The following SDK1 variants were observed in gnomAD, a reference collection of about 807,000 sequenced individuals.
SDK1 encodes sidekick cell adhesion molecule 1.
SDK1 carries 157 observed loss-of-function variants against 245.5 expected under a neutral mutation model. That is an observed-to-expected ratio of 0.64 (90% CI 0.56 to 0.73). The LOEUF (loss-of-function observed/expected upper bound fraction) is 0.73. Among genes scored for constraint, SDK1 ranks in the 30% least tolerant of loss-of-function variants. SDK1 has a pLI of 0.00. For missense variants in SDK1, 3,583 were observed against 3,002.3 expected (o/e 1.19, Z -4.52); for synonymous variants, 1,647 against 1,278.5 (o/e 1.29, Z -6.15).
chr7:4,239,773 T>G (rs1186388502), intron 42 of SDK1, among the ~76,000 whole-genome samples: 1 of 152,228 alleles, frequency 6.6e-6, no homozygotes, highest in Non-Finnish European at 1.5e-5. Flanking sequence ...GACCTCTTCC[T>G]GAGCTCAGCT....
At chr7:4,060,801 C>G (rs941519232) in intron 19 of SDK1, among the ~76,000 whole-genome samples, 5 of 152,124 alleles carry the variant, frequency 3.3e-5, no homozygotes, top group Non-Finnish European at 5.9e-5. Context: ...TTTAATCCAT[C>G]TTGAATTGAT....
At chr7:3,706,620 T>G (rs1163328475) in intron 4 of SDK1, among the ~76,000 whole-genome samples, 1 of 152,196 alleles carries the variant, frequency 6.6e-6, no homozygotes, top group Non-Finnish European at 1.5e-5. Context: ...GCCAGGATGG[T>G]TGCGATCTCC....
chr7:3,759,020 T>G lies in SDK1; in HGVS notation c.714-62430T>G, dbSNP rs532894910. Among the ~76,000 whole-genome samples, 3 of 152,350 alleles carry G rather than the reference T, an allele frequency of 2.0e-5. 1 individual carries two copies. The highest frequency in any genetic ancestry group is 7.2e-5 in the African/African-American group (3 of 41,578). ...TTTCTCTGACAGGGAGAAACCTGACTCGCATTATCCACAGTTTATTTAGGT... is the reference window on the plus strand; with the variant it reads ...TTTCTCTGACAGGGAGAAACCTGACGCGCATTATCCACAGTTTATTTAGGT... On this transcript the variant is annotated intron_variant, in intron 4 of 44. Transcript: ENST00000404826.
chr7:3,886,852 GT>G (rs1415089746), intron 5 of SDK1, among the ~76,000 whole-genome samples: 58 of 152,146 alleles, frequency 3.8e-4, no homozygotes, highest in Non-Finnish European at 1.5e-4. Context: ...GGAGTTTGAG[GT>G]TGCAGTGAGC....
intron 4 of SDK1, 84 bp from the exon 5 acceptor site, chr7:3,821,366 T>C: frequency 6.8e-7 from 1 of 1,460,856 alleles, no homozygotes; most frequent in East Asian, 2.3e-5. Context: ...GGCATTCCTT[T>C]ATAGTTGGCC....
rs181596246 is a variant in SDK1 at position 3,907,012 on chromosome 7, C to T, written c.848-43911C>T. ...TTACCTTTTCATTTAAAATTTCCTT[C>T]TTATATTTCACCTAGAATCTTACGT... On this transcript the variant is annotated intron_variant, in intron 5 of 44. Transcript: ENST00000404826. Among the ~76,000 whole-genome samples the T allele has an allele frequency of 7.2e-5, 11 of 152,310 alleles. 1 individual carries two copies. In the South Asian group the frequency reaches 1.9e-3, roughly 26 times the overall value.
At chr7:3,307,259 C>T (rs2042354745) in intron 1 of SDK1, among the ~76,000 whole-genome samples, 1 of 152,016 alleles carries the variant, frequency 6.6e-6, no homozygotes. Flanking sequence ...AGGGCATAAA[C>T]GTTCGTAGCC....
At chr7:4,161,660 G>C (rs751604279) in intron 31 of SDK1, 126 bp from the exon 32 acceptor site, 62 of 734,132 alleles carry the variant, frequency 8.4e-5, no homozygotes, top group Non-Finnish European at 1.3e-4. Context: ...CAGGAGAAGG[G>C]GACCCCTGGA....
intron 5 of SDK1, among the ~76,000 whole-genome samples, chr7:3,847,050 C>A (rs1243973148): frequency 6.6e-6 from 1 of 152,020 alleles, no homozygotes; most frequent in Non-Finnish European, 1.5e-5. Context: ...TTAGTGTAAT[C>A]ACGCTTCTTT....
intron 35 of SDK1, among the ~76,000 whole-genome samples, chr7:4,187,450 A>G (rs151011816): frequency 1.0e-3 from 158 of 152,322 alleles, no homozygotes; most frequent in African/African-American, 3.7e-3. Context: ...TACTTCAGCT[A>G]ATTGACACCC....
At chr7:3,968,292 TGA>T (rs1356017419) in intron 10 of SDK1, among the ~76,000 whole-genome samples, 1 of 152,230 alleles carries the variant, frequency 6.6e-6, no homozygotes, top group Non-Finnish European at 1.5e-5. Context: ...GCCCGTTCCA[TGA>T]GGGCCACTGA....
chr7:3,952,024 A>G, intron 7 of SDK1, 104 bp downstream of exon 7: 1 of 1,072,168 alleles, frequency 9.3e-7, no homozygotes, highest in Non-Finnish European at 1.3e-6. Flanking sequence ...TTTATTTGTA[A>G]CTCGGCAAAT....
intron 4 of SDK1, among the ~76,000 whole-genome samples, chr7:3,769,936 C>CTGTGTGTGTG (rs34066132): frequency 1.5e-3 from 221 of 144,740 alleles, no homozygotes; most frequent in African/African-American, 4.5e-3. Context: ...TACTTATTGT[C>CTGTGTGTGTG]TGTGTGTGTG....
intron 5 of SDK1, among the ~76,000 whole-genome samples, chr7:3,948,843 C>A (rs900846882): frequency 2.0e-5 from 3 of 152,242 alleles, no homozygotes; most frequent in Non-Finnish European, 2.9e-5. Context: ...CCTCATCTGC[C>A]ACCGTGGCTG....
chr7:3,419,472 A>C (rs1779476182), intron 1 of SDK1, among the ~76,000 whole-genome samples: 1 of 152,136 alleles, frequency 6.6e-6, no homozygotes. Context: ...ACATCAGCAC[A>C]GAGGCTCTGC....
At chr7:4,049,279 TTC>T in intron 17 of SDK1, 67 bp from the exon 18 acceptor site, 1 of 1,203,742 alleles carries the variant, frequency 8.3e-7, no homozygotes, top group Non-Finnish European at 1.2e-6. Flanking sequence ...AGGGTTTCCT[TTC>T]TGTCTCTCCA....
At chr7:4,162,976 C>T (rs1781254737) in intron 32 of SDK1, among the ~76,000 whole-genome samples, 1 of 152,196 alleles carries the variant, frequency 6.6e-6, no homozygotes, top group Admixed American at 6.5e-5. Context: ...GCGGAGGACT[C>T]AGCCCAGGGC....
At chr7:3,785,637 C>G (rs1044667635) in intron 4 of SDK1, among the ~76,000 whole-genome samples, 2 of 151,992 alleles carry the variant, frequency 1.3e-5, no homozygotes, top group Non-Finnish European at 2.9e-5. Flanking sequence ...TAACTGTCTA[C>G]TGGATGGAAA....
intron 4 of SDK1, among the ~76,000 whole-genome samples, chr7:3,783,256 A>T (rs1007377466): frequency 6.6e-6 from 1 of 152,228 alleles, no homozygotes; most frequent in Admixed American, 6.5e-5. Flanking sequence ...CACAATTAAA[A>T]TTATACTCAG....
Sources: gnomAD v4.1 joint callset for allele counts (sites outside exome capture counted in the v4.1 genomes callset) on GRCh38, gnomAD v4.1.1 for gene constraint, MANE v1.5 for transcripts, NCBI Gene and HGNC (gene_info 2026-07-23, HGNC 2026-07-21) for gene names.